The following LIN7A variants were observed in gnomAD, a reference collection of about 807,000 sequenced individuals.
LIN7A encodes protein lin-7 homolog A.
In LIN7A, 25 loss-of-function variants were observed where a neutral mutation model predicts 29.8. The ratio of observed to expected loss-of-function variants is 0.84; its 90% CI spans 0.61 to 1.17. The LOEUF (loss-of-function observed/expected upper bound fraction) is 1.17, where lower values mean the gene tolerates loss of function less well. Among genes scored for constraint, LIN7A ranks in the 50% most tolerant of loss-of-function variants. LIN7A has a pLI of 0.00. For synonymous variants in LIN7A, 118 were observed against 107.5 expected, an observed-to-expected ratio of 1.10 and a Z score of -0.60; for missense variants, 239 against 287.0, an observed-to-expected ratio of 0.83 and a Z score of 1.21.
At chr12:80,861,950 A>G (rs1484285313) in intron 2 of LIN7A, among the ~76,000 whole-genome samples, 14 of 152,202 alleles carry the variant, frequency 9.2e-5, no homozygotes, top group African/African-American at 3.4e-4. Flanking sequence ...CACTTTCCCC[A>G]CTAATTAAAT....
At chr12:80,853,936 C>T (rs1029966598) in intron 2 of LIN7A, among the ~76,000 whole-genome samples, 2 of 152,048 alleles carry the variant, frequency 1.3e-5, no homozygotes, top group Non-Finnish European at 2.9e-5. Flanking sequence ...TCAAGTGATC[C>T]GACGGCCTCG....
chr12:80,793,050 T>C lies in LIN7A; in HGVS notation c.*4677A>G, dbSNP rs561727256. ...AGTGACTCACTTAGTGACTCATTCA[T>C]TTTAATGTAATGGTGTCCCCCAAAC... is the stretch of plus-strand genomic sequence containing the variant. On this transcript the variant is annotated 3_prime_UTR_variant, in exon 6 of 6. Coordinates refer to ENST00000552864, the MANE Select transcript of LIN7A (RefSeq NM_004664.4). 2.7e-5 allele frequency: 4 copies of C among 150,314 alleles called. No individual in the cohort carries two copies. Among genetic ancestry groups the C allele is most frequent in the African/African-American group, 1.0e-4 (4 of 39,596 alleles). 9.3% of individuals were successfully genotyped at this position (150,314 alleles called of 1,614,324 possible).
chr12:80,926,368 T>C (rs1877581527), intron 1 of LIN7A, among the ~76,000 whole-genome samples: 1 of 152,212 alleles, frequency 6.6e-6, no homozygotes, highest in Non-Finnish European at 1.5e-5. Context: ...TTCTTTATTA[T>C]AAATTACTTT....
chr12:80,915,152 C>CAA (rs3073421), intron 1 of LIN7A, among the ~76,000 whole-genome samples: 2 of 104,956 alleles, frequency 1.9e-5, no homozygotes, highest in Non-Finnish European at 4.6e-5. Flanking sequence ...AATCAACAAG[C>CAA]AAAAAAAAAA....
intron 2 of LIN7A, among the ~76,000 whole-genome samples, chr12:80,864,612 C>T (rs1382311032): frequency 1.3e-5 from 2 of 152,070 alleles, no homozygotes; most frequent in South Asian, 2.1e-4. Flanking sequence ...AGCAGAGATG[C>T]TAACTCATTA....
At chr12:80,898,178 T>A (rs1015785168) in intron 1 of LIN7A, among the ~76,000 whole-genome samples, 1 of 152,224 alleles carries the variant, frequency 6.6e-6, no homozygotes, top group Admixed American at 6.5e-5. Flanking sequence ...TCAGTTGCAA[T>A]CTTCTGCATA....
At chr12:80,885,411 C>G (rs1053078140) in intron 2 of LIN7A, among the ~76,000 whole-genome samples, 2 of 152,070 alleles carry the variant, frequency 1.3e-5, no homozygotes, top group Admixed American at 6.5e-5. Flanking sequence ...CTCTTATCAG[C>G]CAGCACATCT....
chr12:80,862,412 C>T (rs567901260), intron 2 of LIN7A, among the ~76,000 whole-genome samples: 1 of 152,226 alleles, frequency 6.6e-6, no homozygotes, highest in East Asian at 1.9e-4. Context: ...AATTCTGAAC[C>T]ACTGTTTCTA....
rs1870406460 is a variant in LIN7A, at chr12:80,795,569, C to G, written c.*2158G>C. ...AACCATATGATAACTTTAATTTTGA[C>G]CAAACATTTATGACTAAGTGAAAAC... On this transcript the variant is annotated 3_prime_UTR_variant, in exon 6 of 6. Coordinates refer to ENST00000552864, the MANE Select transcript of LIN7A (RefSeq NM_004664.4). The G allele has an allele frequency of 6.6e-6, 1 of 151,962 alleles. No homozygotes were observed. Among genetic ancestry groups the G allele is most frequent in the Admixed American group, 6.6e-5 (1 of 15,240 alleles). 9.4% of individuals were successfully genotyped at this position (151,962 alleles called of 1,614,324 possible).
At chr12:80,875,753 A>G (rs2120533436) in intron 2 of LIN7A, among the ~76,000 whole-genome samples, 1 of 152,326 alleles carries the variant, frequency 6.6e-6, no homozygotes, top group Non-Finnish European at 1.5e-5. Context: ...TTTGGCTGAT[A>G]TCATGCTAGG....
At chr12:80,883,558 C>T (rs929097027) in intron 2 of LIN7A, among the ~76,000 whole-genome samples, 3 of 152,076 alleles carry the variant, frequency 2.0e-5, no homozygotes, top group Non-Finnish European at 4.4e-5. Flanking sequence ...GTTATTCATT[C>T]CCTAACCTAT....
At chr12:80,925,196 A>C (rs1024167301) in intron 1 of LIN7A, among the ~76,000 whole-genome samples, 1 of 152,240 alleles carries the variant, frequency 6.6e-6, no homozygotes, top group Non-Finnish European at 1.5e-5. Context: ...ACAGCCATAT[A>C]GAAGAAAATT....
chr12:80,866,527 C>T (rs906448592), intron 2 of LIN7A, among the ~76,000 whole-genome samples: 12 of 152,068 alleles, frequency 7.9e-5, no homozygotes, highest in Non-Finnish European at 1.3e-4. Flanking sequence ...TTCAAAATTG[C>T]TCAAACCATA....
intron 2 of LIN7A, among the ~76,000 whole-genome samples, chr12:80,876,052 TACACAC>T (rs67035673): frequency 4.0e-4 from 59 of 148,202 alleles, no homozygotes; most frequent in South Asian, 2.0e-3. Context: ...ATTATTTTTA[TACACAC>T]ACACACACAC....
In LIN7A at chr12:80,845,786, C is replaced by A; in HGVS notation, c.427G>T (p.Ala143Ser). The A allele has an allele frequency of 6.2e-7, 1 of 1,613,866 alleles. No individual in the cohort carries two copies. Among genetic ancestry groups the A allele is most frequent in the Non-Finnish European group, 8.5e-7 (1 of 1,179,910 alleles). ...CTTTTGAGGCCTCCGTGTCTTTCAG[C>A]CACCCCTCCAGGAATTATGCGAGAG... ...YISRIIPGGV[A>S]ERHGGLKRGD... Residue 143 changes from alanine to serine, a missense_variant, in exon 4 of 6, where the codon GCT (alanine) becomes TCT (serine). Transcript: ENST00000552864.
At chr12:80,924,308 A>G (rs938260024) in intron 1 of LIN7A, among the ~76,000 whole-genome samples, 4 of 152,228 alleles carry the variant, frequency 2.6e-5, no homozygotes, top group Admixed American at 6.5e-5. Context: ...CATAGATGGC[A>G]AGTGGCAGAA....
At chr12:80,821,475 C>T (rs1044310102) in intron 4 of LIN7A, among the ~76,000 whole-genome samples, 2 of 151,906 alleles carry the variant, frequency 1.3e-5, no homozygotes, top group African/African-American at 2.4e-5. Flanking sequence ...AATCTTTTTG[C>T]GGATGGAGGG....
intron 1 of LIN7A, among the ~76,000 whole-genome samples, chr12:80,904,798 A>G (rs1185537): frequency 0.97 from 148,058 of 152,262 alleles, 72,109 homozygotes; most frequent in East Asian, 1. Flanking sequence ...TTTTAATCAT[A>G]AATTTTTTTA....
chr12:80,880,361 A>G (rs959372579), intron 2 of LIN7A, among the ~76,000 whole-genome samples: 1 of 152,216 alleles, frequency 6.6e-6, no homozygotes, highest in African/African-American at 2.4e-5. Context: ...AAAAATAGAT[A>G]AAATGAAATT....
Sources: gnomAD v4.1 joint callset for allele counts (sites outside exome capture counted in the v4.1 genomes callset) on GRCh38, gnomAD v4.1.1 for gene constraint, MANE v1.5 for transcripts, NCBI Gene and HGNC (gene_info 2026-07-23, HGNC 2026-07-21) for gene names.